PHC3: variants seen among roughly 807,000 people sequenced by gnomAD.
PHC3 encodes the protein polyhomeotic homolog 3, also known as polyhomeotic-like protein 3.
Under a neutral mutation model 107.4 loss-of-function variants are expected in PHC3, and 13 were observed. The ratio of observed to expected loss-of-function variants is 0.12; its 90% CI spans 0.08 to 0.19. The LOEUF is 0.19. Among genes scored for constraint, PHC3 ranks in the 10% least tolerant of loss-of-function variants. The pLI is 1.00. For missense variants in PHC3, 992 were observed against 1,210.9 expected, an observed-to-expected ratio of 0.82 and a Z score of 2.68; for synonymous variants, 456 against 427.4, an observed-to-expected ratio of 1.07 and a Z score of -0.83.
chr3:170,094,912 C>T lies in PHC3; in HGVS notation c.*2318G>A, dbSNP rs1371377360. On this transcript the variant is annotated 3_prime_UTR_variant, in exon 15 of 15. Transcript: ENST00000495893. ...GGAAAGAGAACAAATAAAAGGAGAGCCTACAACACAGTTCAAAATTGATAC... is the reference window on the plus strand; with the variant it reads ...GGAAAGAGAACAAATAAAAGGAGAGTCTACAACACAGTTCAAAATTGATAC... 2.6e-5 allele frequency: 4 copies of T among 152,042 alleles called. No homozygotes were observed. The highest frequency in any genetic ancestry group is 2.6e-4 in the Admixed American group (4 of 15,262). The allele number at this position is 152,042 out of a possible 1,614,324, so 9.4% of individuals were successfully genotyped here.
rs1163643367 is a variant in PHC3, at chr3:170,096,257, T to A, written c.*973A>T. 1 of 152,190 alleles carries A rather than the reference T, an allele frequency of 6.6e-6. No individual in the cohort carries two copies. The highest frequency in any genetic ancestry group is 2.4e-5 in the African/African-American group (1 of 41,450). 9.4% of individuals were successfully genotyped at this position (152,190 alleles called of 1,614,324 possible). A position where few individuals can be genotyped will look rare whatever the true frequency, so the allele number is the denominator to read the frequency against. On this transcript the variant is annotated 3_prime_UTR_variant, in exon 15 of 15. Transcript: ENST00000495893. The stretch of plus-strand genomic sequence containing the variant: ...CAGCAGAATATTAATGTTATCTGAA[T>A]AATACTTCCATCATATATGTTTAGT...
chr3:170,102,406 T>C, intron 14 of PHC3, 73 bp downstream of exon 14: 3 of 1,546,346 alleles, frequency 1.9e-6, no homozygotes, highest in Non-Finnish European at 2.6e-6. Context: ...GTGCAAAAGG[T>C]GTGGATGTAT....
chr3:170,089,904 G>A lies in PHC3; in HGVS notation c.*7326C>T, dbSNP rs1382356904. On this transcript the variant is annotated 3_prime_UTR_variant, in exon 15 of 15. Transcript: ENST00000495893. Reference sequence around the variant, plus strand: ...TGCACACCAGCCTGGGCAACAGAGCGAACCCATCTCAAAAAAAAAAAAAAG... The same window carrying A: ...TGCACACCAGCCTGGGCAACAGAGCAAACCCATCTCAAAAAAAAAAAAAAG... 19 of 113,574 alleles carry A rather than the reference G, an allele frequency of 1.7e-4. No individual in the cohort carries two copies. Among genetic ancestry groups the A allele is most frequent in the Admixed American group, 6.3e-4 (5 of 7,978 alleles). 7.0% of individuals were successfully genotyped at this position (113,574 alleles called of 1,614,324 possible).
intron 2 of PHC3, chr3:170,176,807 T>G (rs1730555476): frequency 2.4e-6 from 1 of 424,276 alleles, no homozygotes; most frequent in East Asian, 7.0e-5. Flanking sequence ...GATACTTCAT[T>G]AATCTCAAAG....
intron 10 of PHC3, among the ~76,000 whole-genome samples, chr3:170,114,926 G>C (rs1395555738): frequency 6.6e-6 from 1 of 152,098 alleles, no homozygotes; most frequent in African/African-American, 2.4e-5. Context: ...TATGCCTCAA[G>C]TGAAATTAAA....
intron 4 of PHC3, among the ~76,000 whole-genome samples, chr3:170,165,879 G>A (rs575527841): frequency 6.6e-6 from 1 of 150,530 alleles, no homozygotes; most frequent in East Asian, 2.0e-4. Context: ...AAGACAGGAG[G>A]ATCACTTGAG....
At chr3:170,120,747 G>A (rs558502803) in intron 9 of PHC3, among the ~76,000 whole-genome samples, 2 of 152,310 alleles carry the variant, frequency 1.3e-5, no homozygotes, top group South Asian at 2.1e-4. Flanking sequence ...AAGAAGGGAA[G>A]GGGATATGGC....
chr3:170,158,838 G>T (rs1377258581), intron 4 of PHC3, among the ~76,000 whole-genome samples: 1 of 149,896 alleles, frequency 6.7e-6, no homozygotes, highest in African/African-American at 2.5e-5. Flanking sequence ...GAGCAGGGAG[G>T]ATCACTTGAG....
intron 7 of PHC3, among the ~76,000 whole-genome samples, chr3:170,136,155 T>C (rs568841234): frequency 3.9e-4 from 59 of 152,290 alleles, no homozygotes; most frequent in African/African-American, 1.0e-3. Flanking sequence ...GAAGGTTTTA[T>C]CAATATAAGG....
intron 1 of PHC3, among the ~76,000 whole-genome samples, chr3:170,180,017 C>G: frequency 6.6e-6 from 1 of 152,118 alleles, no homozygotes; most frequent in Middle Eastern, 3.4e-3. Context: ...ACAAATGAAT[C>G]TGGCACTAAT....
chr3:170,176,193 T>A (rs1577287702), intron 2 of PHC3, among the ~76,000 whole-genome samples: 1 of 131,380 alleles, frequency 7.6e-6, no homozygotes, highest in South Asian at 2.4e-4. Flanking sequence ...GCCACCGCAC[T>A]CCAGCCTGGG....
intron 1 of PHC3, among the ~76,000 whole-genome samples, chr3:170,180,423 T>G (rs572405042): frequency 2.6e-5 from 4 of 152,144 alleles, no homozygotes; most frequent in African/African-American, 9.6e-5. Flanking sequence ...CACTCCAGCC[T>G]GGGAGATAAG....
intron 4 of PHC3, chr3:170,149,889 A>C (rs1175524027): frequency 6.6e-6 from 1 of 152,252 alleles, no homozygotes; most frequent in Non-Finnish European, 1.5e-5. Flanking sequence ...AACAATACAG[A>C]GAAGATTAGC....
At chr3:170,108,239 A>G (rs1716953858) in intron 11 of PHC3, among the ~76,000 whole-genome samples, 1 of 152,184 alleles carries the variant, frequency 6.6e-6, no homozygotes, top group African/African-American at 2.4e-5. Flanking sequence ...TGCTCTTTCT[A>G]TGTTACTCAT....
chr3:170,176,041 T>C (rs1009050635), intron 2 of PHC3, among the ~76,000 whole-genome samples: 2 of 148,848 alleles, frequency 1.3e-5, no homozygotes, highest in Non-Finnish European at 3.0e-5. Context: ...GCCTGACCAA[T>C]ATGGTGAAAC....
chr3:170,096,645 T>A lies in PHC3; in HGVS notation c.*585A>T, dbSNP rs920159736. On this transcript the variant is annotated 3_prime_UTR_variant, in exon 15 of 15. Coordinates refer to ENST00000495893, the MANE Select transcript of PHC3 (RefSeq NM_024947.4). ...ACCAAATTCTTGGTCAAGTTTGGAA[T>A]AGAAACTAACTCTTCTCACTTCCAG... 6.6e-6 allele frequency: 1 copy of A among 152,210 alleles called. No individual in the cohort carries two copies. The highest frequency in any genetic ancestry group is 1.5e-5 in the Non-Finnish European group (1 of 68,036). 9.4% of individuals were successfully genotyped at this position (152,210 alleles called of 1,614,324 possible).
At chr3:170,101,287 A>G (rs1715432264) in intron 14 of PHC3, among the ~76,000 whole-genome samples, 2 of 152,206 alleles carry the variant, frequency 1.3e-5, no homozygotes, top group Non-Finnish European at 2.9e-5. Context: ...AAAACAAGCT[A>G]TTGATAAACT....
chr3:170,128,141 ATTTT>A (rs552687988), intron 8 of PHC3, among the ~76,000 whole-genome samples: 7 of 150,628 alleles, frequency 4.6e-5, no homozygotes, highest in Non-Finnish European at 8.9e-5. Flanking sequence ...TCCTAGAATA[ATTTT>A]TTTTTTACAA....
chr3:170,165,753 CAA>C (rs1201987701), intron 4 of PHC3, among the ~76,000 whole-genome samples: 6,756 of 40,226 alleles, frequency 0.17, 64 homozygotes, highest in Non-Finnish European at 0.2. Context: ...GACCTTGTCT[CAA>C]AAAAAAAAAA....
Sources: gnomAD v4.1 joint callset for allele counts (sites outside exome capture counted in the v4.1 genomes callset) on GRCh38, gnomAD v4.1.1 for gene constraint, MANE v1.5 for transcripts, NCBI Gene and HGNC (gene_info 2026-07-23, HGNC 2026-07-21) for gene names.